Variants in FAT3 observed in about 807,000 individuals in gnomAD.
FAT3 encodes the protein FAT atypical cadherin 3.
FAT3 carries 95 observed loss-of-function variants against 310.2 expected under a neutral mutation model. The observed-to-expected ratio is 0.31, with a 90% CI of 0.26 to 0.36. FAT3 has a LOEUF of 0.36. FAT3 is among the 10% of genes least tolerant of loss of function. FAT3 has a pLI of 1.00. For synonymous variants in FAT3, 2,314 were observed against 2,192.9 expected (o/e 1.06, Z -1.54); for missense variants, 5,408 against 5,715.6 (o/e 0.95, Z 1.74).
Position 92,355,288 on chromosome 11 carries a change from G to T in FAT3, c.3176G>T (p.Gly1059Val). 6.2e-7 allele frequency: 1 copy of T among 1,613,810 alleles called. No homozygotes were observed. Among genetic ancestry groups the T allele is most frequent in the African/African-American group, 1.3e-5 (1 of 75,014 alleles). ...VGSVKENSRI[G>V]TSVLQVTARD... The stretch of plus-strand genomic sequence containing the variant: ...TCTGTAAAGGAAAACTCACGCATTG[G>T]AACAAGCGTGCTGCAGGTGACTGCT... Residue 1059 changes from glycine (G) to valine (V), a missense_variant, in exon 2 of 28, where the codon GGA (glycine) becomes GTA (valine). Physicochemically the swap from Gly to Val is moderately radical, Grantham distance 109 (BLOSUM62 -3). Transcript: ENST00000525166.
chr11:92,695,785 CA>C (rs1471936921), intron 3 of FAT3, among the ~76,000 whole-genome samples: 3 of 152,012 alleles, frequency 2.0e-5, no homozygotes, highest in Non-Finnish European at 4.4e-5. Flanking sequence ...GACATGTGAA[CA>C]AAGGATTCTA....
chr11:92,597,084 A>G (rs2135575958), intron 3 of FAT3, among the ~76,000 whole-genome samples: 1 of 152,250 alleles, frequency 6.6e-6, no homozygotes, highest in South Asian at 2.1e-4. Context: ...AATTAGCCCA[A>G]TTGTTGAAAA....
intron 4 of FAT3, among the ~76,000 whole-genome samples, chr11:92,745,920 A>C (rs1945651258): frequency 6.6e-6 from 1 of 152,192 alleles, no homozygotes; most frequent in Non-Finnish European, 1.5e-5. Context: ...GATCATGGGT[A>C]CCTGGAAAGG....
At chr11:92,314,177 A>T (rs924830153) in intron 1 of FAT3, 26 of 352,538 alleles carry the variant, frequency 7.4e-5, no homozygotes, top group African/African-American at 5.8e-4. Context: ...AGACTACAAA[A>T]GATGATTAGA....
chr11:92,658,311 GT>G (rs1357827774), intron 3 of FAT3, among the ~76,000 whole-genome samples: 1 of 152,178 alleles, frequency 6.6e-6, no homozygotes. Context: ...TTAAATTTAA[GT>G]TTGAACTATT....
chr11:92,570,087 A>T lies in FAT3; in HGVS notation c.3607+45139A>T, dbSNP rs544266741. The stretch of plus-strand genomic sequence containing the variant: ...TTTATTTGACAGTCATTTTGGTGCC[A>T]TGTAGTAAAATTGAGCAATGGCTGT... On this transcript the variant is annotated intron_variant, in intron 3 of 27. Coordinates refer to ENST00000525166, the MANE Select transcript of FAT3 (RefSeq NM_001367949.2). Among the ~76,000 whole-genome samples, 10 of 152,312 alleles carry T rather than the reference A, an allele frequency of 6.6e-5. No homozygotes were observed. In the East Asian group the frequency reaches 1.9e-3, roughly 29 times the overall value.
intron 4 of FAT3, among the ~76,000 whole-genome samples, chr11:92,760,265 C>G (rs775046382): frequency 6.6e-6 from 1 of 152,206 alleles, no homozygotes; most frequent in Non-Finnish European, 1.5e-5. Context: ...AAGCTATCCT[C>G]CTAGGCAGCT....
chr11:92,377,977 A>G (rs1395013952), intron 2 of FAT3, among the ~76,000 whole-genome samples: 2 of 152,158 alleles, frequency 1.3e-5, no homozygotes, highest in Admixed American at 1.3e-4. Flanking sequence ...GTATGTTTTG[A>G]TGAACAAAAT....
intron 3 of FAT3, among the ~76,000 whole-genome samples, chr11:92,592,324 T>TTC (rs1285399704): frequency 6.9e-6 from 1 of 145,338 alleles, no homozygotes; most frequent in African/African-American, 2.6e-5. Context: ...TTGTCTTTTT[T>TTC]TTTTTTTTTT....
At chr11:92,470,742 GTAGCTTTCAGTGCTACTTGTAA>G (rs758965434) in intron 2 of FAT3, among the ~76,000 whole-genome samples, 2 of 152,146 alleles carry the variant, frequency 1.3e-5, no homozygotes, top group Admixed American at 6.6e-5. Flanking sequence ...GGTCCTATTT[GTAGCTTTCAGTGCTACTTGTAA>G]TCTGGTACTT....
rs1947254540 is a variant in FAT3, at chr11:92,799,017, G to T, written c.6004G>T (p.Ala2002Ser). Residue 2002 changes from alanine to serine, a missense_variant, in exon 10 of 28, where the codon GCT becomes TCT. Transcript: ENST00000525166. ...GAACAACACTAACATAACCAAAGTT[G>T]CTATTGTCAATGCAGTTGGAAATCG... Reference protein sequence around the residue: ...SENNTNITKVAIVNAVGNRLN... With the variant: ...SENNTNITKVSIVNAVGNRLN... The T allele has an allele frequency of 1.9e-6, 3 of 1,613,738 alleles. No individual in the cohort carries two copies. Among genetic ancestry groups the T allele is most frequent in the African/African-American group, 1.3e-5 (1 of 74,916 alleles).
intron 4 of FAT3, among the ~76,000 whole-genome samples, chr11:92,760,107 T>G (rs1946106092): frequency 6.6e-6 from 1 of 152,026 alleles, no homozygotes; most frequent in Non-Finnish European, 1.5e-5. Flanking sequence ...AGCTCAAGAG[T>G]CAAAATCCAA....
At chr11:92,793,634 C>T (rs371247393) in intron 9 of FAT3, among the ~76,000 whole-genome samples, 2 of 152,150 alleles carry the variant, frequency 1.3e-5, no homozygotes, top group East Asian at 1.9e-4. Context: ...GCTTTTATGA[C>T]TGAGAGATGA....
Position 92,806,491 on chromosome 11 carries a change from GAATTTT to G in FAT3, c.9224_9229del (p.Glu3075_Phe3077delinsVal). The G allele has an allele frequency of 6.5e-7, 1 of 1,549,824 alleles. No homozygotes were observed. Among genetic ancestry groups the G allele is most frequent in the Non-Finnish European group, 8.7e-7 (1 of 1,144,232 alleles). ...CTCACTCTATGGATCTGGAAACAGT[GAATTTT>G]TTCTAGATCCAGAAAGTGGTAAGCT... On this transcript the variant is annotated inframe_deletion, in exon 12 of 28. Transcript: ENST00000525166.
chr11:92,878,664 A>AAAAAC (rs1565672618), intron 22 of FAT3, among the ~76,000 whole-genome samples: 1 of 70,876 alleles, frequency 1.4e-5, no homozygotes, highest in African/African-American at 1.1e-4. Context: ...AAAAAAAAAA[A>AAAAAC]AAAGCTCCGC....
intron 2 of FAT3, among the ~76,000 whole-genome samples, chr11:92,488,563 C>T (rs1394784918): frequency 2.7e-5 from 4 of 148,498 alleles, no homozygotes; most frequent in Non-Finnish European, 4.4e-5. Flanking sequence ...GTCCAGGGAC[C>T]GCACTTTAAG....
intron 1 of FAT3, among the ~76,000 whole-genome samples, chr11:92,337,988 G>A (rs1948138141): frequency 6.6e-6 from 1 of 152,102 alleles, no homozygotes; most frequent in South Asian, 2.1e-4. Flanking sequence ...GAGGAAATAG[G>A]AAAGGCATGT....
At chr11:92,624,421 C>T (rs980964375) in intron 3 of FAT3, among the ~76,000 whole-genome samples, 7 of 152,136 alleles carry the variant, frequency 4.6e-5, no homozygotes, top group African/African-American at 1.7e-4. Flanking sequence ...AAGGGCCTGG[C>T]ATGTTTAGAC....
At chr11:92,836,742 C>T in intron 16 of FAT3, 39 bp downstream of exon 16, 1 of 1,593,414 alleles carries the variant, frequency 6.3e-7, no homozygotes, top group Non-Finnish European at 8.6e-7. Context: ...CATCCACATC[C>T]ACCACTTTCC....
Sources: gnomAD v4.1 joint callset for allele counts (sites outside exome capture counted in the v4.1 genomes callset) on GRCh38, gnomAD v4.1.1 for gene constraint, MANE v1.5 for transcripts, NCBI Gene and HGNC (gene_info 2026-07-23, HGNC 2026-07-21) for gene names.